SDR9C7: variants seen among roughly 807,000 people sequenced by gnomAD.
SDR9C7 encodes short-chain dehydrogenase/reductase family 9C member 7.
In SDR9C7, 11 loss-of-function variants were observed where a neutral mutation model predicts 23.6. The ratio of observed to expected loss-of-function variants is 0.47; its 90% CI spans 0.29 to 0.77. The LOEUF (loss-of-function observed/expected upper bound fraction) is 0.77, where lower values mean the gene tolerates loss of function less well. Ranked by LOEUF, SDR9C7 falls within the 30% of genes least tolerant of loss-of-function variation. The probability of loss-of-function intolerance (pLI) is 0.09; values close to 1 mark genes in which losing one functional copy is unlikely to be tolerated. For missense variants in SDR9C7, 387 were observed against 407.1 expected (o/e 0.95, Z 0.42); for synonymous variants, 167 against 157.3 (o/e 1.06, Z -0.46).
At chr12:56,927,570 G>A (rs1955742642) in intron 3 of SDR9C7, among the ~76,000 whole-genome samples, 1 of 152,188 alleles carries the variant, frequency 6.6e-6, no homozygotes, top group Non-Finnish European at 1.5e-5. Context: ...CATTCCCCTG[G>A]GCGCAGTGAT....
intron 2 of SDR9C7, 76 bp from the exon 3 acceptor site, chr12:56,929,629 G>T: frequency 6.6e-7 from 1 of 1,523,346 alleles, no homozygotes; most frequent in Non-Finnish European, 9.0e-7. Flanking sequence ...GGATGGGCTG[G>T]TCTTTCAGGA....
intron 1 of SDR9C7, among the ~76,000 whole-genome samples, chr12:56,933,401 G>A (rs574573660): frequency 4.0e-5 from 6 of 151,716 alleles, no homozygotes; most frequent in South Asian, 2.1e-4. Flanking sequence ...GCTCTGTCAC[G>A]AGGCTGGAGT....
intron 1 of SDR9C7, among the ~76,000 whole-genome samples, chr12:56,933,410 G>A (rs961100045): frequency 6.6e-6 from 1 of 152,060 alleles, no homozygotes; most frequent in Admixed American, 6.5e-5. Context: ...CGAGGCTGGA[G>A]TGCAGTGGCG....
intron 1 of SDR9C7, among the ~76,000 whole-genome samples, chr12:56,933,702 C>A (rs1188447260): frequency 5.3e-5 from 8 of 152,166 alleles, no homozygotes; most frequent in South Asian, 2.1e-4. Context: ...AACACATCTT[C>A]CCCCCTCGCT....
rs1280812585 is a variant in SDR9C7, at chr12:56,929,513, C to T, written c.601G>A (p.Glu201Lys). 2 of 1,612,574 alleles carry T rather than the reference C, an allele frequency of 1.2e-6. No individual in the cohort carries two copies. Among genetic ancestry groups the T allele is most frequent in the Admixed American group, 1.7e-5 (1 of 60,016 alleles). Residue 201 changes from glutamate to lysine, a missense_variant, in exon 3 of 4, where the codon GAG (glutamate) becomes AAG (lysine). Glu to Lys is a moderately conservative substitution (Grantham distance 56). Transcript: ENST00000293502. ...ATGGCTGTCCGATAGTTCCCTGGCT[C>T]AATGATGCAGACTTTCACCCCAAAG... ...YYFGVKVCII[E>K]PGNYRTAILG...
Position 56,930,375 on chromosome 12 carries a change from C to T in SDR9C7, c.411G>A (p.Leu137=). Residue 137 remains leucine, a synonymous_variant, in exon 2 of 4, where the codon CTG becomes CTA. Transcript: ENST00000293502. The part of the protein sequence containing the change: ...VKVINVNLVG[L]IEVTLHMLPM... ...GCAGCATGTGAAGGGTCACTTCGAT[C>T]AGTCCCACCAGGTTCACATTAATCA... The T allele has an allele frequency of 6.2e-7, 1 of 1,614,156 alleles. No individual in the cohort carries two copies. The highest frequency in any genetic ancestry group is 1.3e-5 in the African/African-American group (1 of 75,042).
Position 56,934,107 on chromosome 12 carries a change from A to C in SDR9C7, c.155T>G (p.Val52Gly). 6.2e-7 allele frequency: 1 copy of C among 1,614,216 alleles called. No homozygotes were observed. The highest frequency in any genetic ancestry group is 8.5e-7 in the Non-Finnish European group (1 of 1,180,040). Residue 52 changes from valine (V) to glycine (G), a missense_variant, in exon 1 of 4, where the codon GTG (valine) becomes GGG (glycine). Transcript: ENST00000293502. ...CTCCTCAGTGAAGCAAGCAGCCAGC[A>C]CCTGCATGCCCCGATCAACCAGCTG... ...AKQLVDRGMQVLAACFTEEGS... is the reference protein window; with the variant it reads ...AKQLVDRGMQGLAACFTEEGS...
chr12:56,933,953 C>T lies in SDR9C7; in HGVS notation c.301+8G>A, dbSNP rs764165174. Reference sequence around the variant, plus strand: ...ACCAAGAAAGCCAAAGAATGTAATTCGCCCCACCTTGTTCGCCCACTTTGT... The same window carrying T: ...ACCAAGAAAGCCAAAGAATGTAATTTGCCCCACCTTGTTCGCCCACTTTGT... On this transcript the variant is annotated splice_region_variant and intron_variant, in intron 1 of 3. Transcript: ENST00000293502. The T allele has an allele frequency of 2.5e-5, 40 of 1,598,130 alleles. No homozygotes were observed. The African/African-American group carries it at 3.5e-4, about 14-fold the overall frequency.
chr12:56,925,864 G>A (rs1369767598), intron 3 of SDR9C7, among the ~76,000 whole-genome samples: 1 of 152,212 alleles, frequency 6.6e-6, no homozygotes, highest in Non-Finnish European at 1.5e-5. Context: ...GAGATGGGCT[G>A]GGGACTGGGT....
intron 2 of SDR9C7, among the ~76,000 whole-genome samples, 157 bp from the exon 3 acceptor site, chr12:56,929,710 G>C (rs1363378311): frequency 6.6e-6 from 1 of 152,202 alleles, no homozygotes; most frequent in Non-Finnish European, 1.5e-5. Flanking sequence ...CCCTTCCTTA[G>C]GGACTCAGCC....
At chr12:56,931,221 C>T (rs938549536) in intron 1 of SDR9C7, among the ~76,000 whole-genome samples, 8 of 151,960 alleles carry the variant, frequency 5.3e-5, no homozygotes, top group Non-Finnish European at 1.0e-4. Context: ...GCACTCCAGC[C>T]TGGGTGACAG....
intron 1 of SDR9C7, among the ~76,000 whole-genome samples, chr12:56,930,758 T>C (rs918889168): frequency 2.0e-5 from 3 of 152,360 alleles, no homozygotes; most frequent in Middle Eastern, 3.4e-3. Context: ...CTATCAGCTT[T>C]GGGATAAGAG....
At chr12:56,928,075 CAATG>C (rs1168160626) in intron 3 of SDR9C7, among the ~76,000 whole-genome samples, 1 of 152,150 alleles carries the variant, frequency 6.6e-6, no homozygotes, top group Non-Finnish European at 1.5e-5. Context: ...TTCCCTAAAT[CAATG>C]AATGAAGACA....
chr12:56,930,902 C>T (rs1955764870), intron 1 of SDR9C7, among the ~76,000 whole-genome samples: 1 of 152,192 alleles, frequency 6.6e-6, no homozygotes, highest in Admixed American at 6.5e-5. Context: ...CATCTTCACA[C>T]ATTTATTCAT....
Position 56,923,292 on chromosome 12 carries a change from A to G in SDR9C7, c.*541T>C, listed in dbSNP as rs1955710522. On this transcript the variant is annotated 3_prime_UTR_variant, in exon 4 of 4. Transcript: ENST00000293502. ...ATGTGGATCCCAATAACCTATAGAT[A>G]GAAGAATCTAAAAAGAAAGAAAATA... 6.6e-6 allele frequency: 1 copy of G among 152,436 alleles called. No homozygotes were observed. The highest frequency in any genetic ancestry group is 1.5e-5 in the Non-Finnish European group (1 of 68,204). The allele number at this position is 152,436 out of a possible 1,614,324, so 9.4% of individuals were successfully genotyped here. A position where few individuals can be genotyped will look rare whatever the true frequency, so the allele number is the denominator to read the frequency against.
chr12:56,928,271 CA>C (rs1481576941), intron 3 of SDR9C7, among the ~76,000 whole-genome samples: 2 of 152,150 alleles, frequency 1.3e-5, no homozygotes, highest in African/African-American at 4.8e-5. Flanking sequence ...TTTTCTGCCT[CA>C]GAGCCTTCCT....
intron 1 of SDR9C7, 40 bp from the exon 2 acceptor site, chr12:56,930,524 C>T (rs769278955): frequency 6.2e-7 from 1 of 1,603,854 alleles, no homozygotes; most frequent in Non-Finnish European, 8.5e-7. Flanking sequence ...ATCAGTGGGC[C>T]TGGGAAAGAA....
chr12:56,932,137 G>A (rs1430189881), intron 1 of SDR9C7, among the ~76,000 whole-genome samples: 5 of 152,204 alleles, frequency 3.3e-5, no homozygotes, highest in Non-Finnish European at 7.3e-5. Context: ...ACATGGGAAA[G>A]GGGAATTAAG....
Position 56,923,821 on chromosome 12 carries a change from A to G in SDR9C7, c.*12T>C. ...ACTTCTAGGCTCCACTGACCCATTG[A>G]TCCTCCCCAGTTTAGACACTGTCCG... On this transcript the variant is annotated 3_prime_UTR_variant, in exon 4 of 4. Coordinates refer to ENST00000293502, the MANE Select transcript of SDR9C7 (RefSeq NM_148897.3). 1 of 1,574,998 alleles carries G rather than the reference A, an allele frequency of 6.3e-7. No individual in the cohort carries two copies. The highest frequency in any genetic ancestry group is 8.7e-7 in the Non-Finnish European group (1 of 1,155,316).
Sources: gnomAD v4.1 joint callset for allele counts (sites outside exome capture counted in the v4.1 genomes callset) on GRCh38, gnomAD v4.1.1 for gene constraint, MANE v1.5 for transcripts, NCBI Gene and HGNC (gene_info 2026-07-23, HGNC 2026-07-21) for gene names.